The following WDR7 variants were observed in gnomAD, a reference collection of about 807,000 sequenced individuals.
WDR7 encodes WD repeat-containing protein 7.
WDR7 carries 46 observed loss-of-function variants against 169.4 expected under a neutral mutation model. That is an observed-to-expected ratio of 0.27 (90% CI 0.21 to 0.35). The LOEUF (loss-of-function observed/expected upper bound fraction) is 0.35, where lower values mean the gene tolerates loss of function less well. WDR7 is among the 10% of genes least tolerant of loss of function. The probability of loss-of-function intolerance (pLI) is 1.00; values close to 1 mark genes in which losing one functional copy is unlikely to be tolerated. For synonymous variants in WDR7, 612 were observed against 666.8 expected (o/e 0.92, Z 1.27); for missense variants, 1,534 against 1,859.3 (o/e 0.83, Z 3.22).
chr18:56,807,744 T>A (rs764245042), intron 19 of WDR7, among the ~76,000 whole-genome samples: 1 of 148,456 alleles, frequency 6.7e-6, no homozygotes, highest in Non-Finnish European at 1.5e-5. Flanking sequence ...AAACTCGTGT[T>A]ACCAAATAAT....
At chr18:57,017,312 C>G (rs1018782489) in intron 26 of WDR7, among the ~76,000 whole-genome samples, 2 of 152,168 alleles carry the variant, frequency 1.3e-5, no homozygotes, top group Admixed American at 6.5e-5. Context: ...CTTGCTCTTA[C>G]GAGACAGCAG....
At chr18:56,794,722 G>A (rs2044554191) in intron 19 of WDR7, among the ~76,000 whole-genome samples, 1 of 152,028 alleles carries the variant, frequency 6.6e-6, no homozygotes, top group Admixed American at 6.6e-5. Flanking sequence ...TTGCCAATAT[G>A]TTTCATAATT....
chr18:56,810,642 G>A (rs2044852541), intron 19 of WDR7, among the ~76,000 whole-genome samples: 1 of 151,994 alleles, frequency 6.6e-6, no homozygotes, highest in South Asian at 2.1e-4. Context: ...TTGTATAAAT[G>A]TTCTATGTGA....
At chr18:56,978,208 C>T (rs188122796) in intron 26 of WDR7, among the ~76,000 whole-genome samples, 140 of 152,242 alleles carry the variant, frequency 9.2e-4, no homozygotes, top group African/African-American at 3.2e-3. Flanking sequence ...AAAGAAAGAG[C>T]ATCAAATGAG....
At chr18:56,734,490 C>G (rs1468481084) in intron 14 of WDR7, among the ~76,000 whole-genome samples, 1 of 124,134 alleles carries the variant, frequency 8.1e-6, no homozygotes, top group African/African-American at 3.0e-5. Context: ...CCTTAAGAGG[C>G]AAAAATTGCC....
chr18:56,738,843 T>G (rs1271582397), intron 14 of WDR7, among the ~76,000 whole-genome samples: 6 of 149,632 alleles, frequency 4.0e-5, no homozygotes, highest in Admixed American at 3.3e-4. Flanking sequence ...GTTGTTTAAC[T>G]TTTTGAATAG....
intron 1 of WDR7, among the ~76,000 whole-genome samples, chr18:56,669,137 T>A (rs2025080916): frequency 6.6e-6 from 1 of 152,120 alleles, no homozygotes; most frequent in African/African-American, 2.4e-5. Context: ...GTTCTTTCAG[T>A]TATTATTTTT....
At chr18:56,877,529 A>C (rs1394917513) in intron 20 of WDR7, among the ~76,000 whole-genome samples, 1 of 152,178 alleles carries the variant, frequency 6.6e-6, no homozygotes, top group African/African-American at 2.4e-5. Context: ...TATTATGTTG[A>C]TACTAAGTAT....
Position 57,027,282 on chromosome 18 carries a change from C to T in WDR7, c.*75C>T, listed in dbSNP as rs1454468792. 31 of 1,510,776 alleles carry T rather than the reference C, an allele frequency of 2.1e-5. No individual in the cohort carries two copies. The highest frequency in any genetic ancestry group is 2.4e-5 in the Non-Finnish European group (27 of 1,127,114). The allele number at this position is 1,510,776 out of a possible 1,614,324, so 93.6% of individuals were successfully genotyped here. A position where few individuals can be genotyped will look rare whatever the true frequency, so the allele number is the denominator to read the frequency against. On this transcript the variant is annotated 3_prime_UTR_variant, in exon 28 of 28. Transcript: ENST00000254442. Reference sequence around the variant, plus strand: ...GCCGATGTTGCTCTGTCCTTCCTCACACCAGATTGTTCCCAGGGGCCTGCC... The same window carrying T: ...GCCGATGTTGCTCTGTCCTTCCTCATACCAGATTGTTCCCAGGGGCCTGCC...
chr18:56,803,916 C>T (rs563532808), intron 19 of WDR7, among the ~76,000 whole-genome samples: 1 of 152,294 alleles, frequency 6.6e-6, no homozygotes, highest in East Asian at 1.9e-4. Flanking sequence ...CCACCTCAAC[C>T]TTTTCAGTAG....
intron 14 of WDR7, among the ~76,000 whole-genome samples, chr18:56,748,871 A>G (rs1376687803): frequency 1.3e-5 from 2 of 152,108 alleles, no homozygotes; most frequent in African/African-American, 4.8e-5. Context: ...GAGGGCACCA[A>G]ATATCCATTT....
At chr18:56,984,184 A>C (rs1377136265) in intron 26 of WDR7, among the ~76,000 whole-genome samples, 14 of 152,180 alleles carry the variant, frequency 9.2e-5, no homozygotes, top group Admixed American at 9.2e-4. Context: ...TTACATAGTA[A>C]CTTAGAAATA....
At chr18:56,789,046 A>G (rs141856739) in intron 19 of WDR7, among the ~76,000 whole-genome samples, 1 of 152,190 alleles carries the variant, frequency 6.6e-6, no homozygotes, top group Non-Finnish European at 1.5e-5. Flanking sequence ...AGTCAGAGCT[A>G]TTGAGCTTAA....
intron 27 of WDR7, among the ~76,000 whole-genome samples, chr18:57,026,612 C>T (rs1284852335): frequency 1.3e-5 from 2 of 152,206 alleles, no homozygotes; most frequent in Non-Finnish European, 1.5e-5. Flanking sequence ...TCTTCGCTGA[C>T]TCATCCTTCA....
At chr18:56,740,730 C>T (rs2043607303) in intron 14 of WDR7, among the ~76,000 whole-genome samples, 2 of 152,044 alleles carry the variant, frequency 1.3e-5, no homozygotes, top group South Asian at 4.1e-4. Context: ...GTCCTGAATC[C>T]TACTTCTTAT....
intron 21 of WDR7, among the ~76,000 whole-genome samples, chr18:56,907,030 G>A (rs865789345): frequency 1.1e-4 from 16 of 152,228 alleles, no homozygotes; most frequent in South Asian, 8.3e-4. Flanking sequence ...ACCAACCAGG[G>A]TTAGAACCCT....
At position 57,029,668 on chromosome 18, in the gene WDR7, T is replaced by A. The variant is rs1406633168; in HGVS notation, c.*2461T>A. 6.6e-6 allele frequency: 1 copy of A among 152,194 alleles called. No individual in the cohort carries two copies. Among genetic ancestry groups the A allele is most frequent in the Non-Finnish European group, 1.5e-5 (1 of 68,048 alleles). The allele number at this position is 152,194 out of a possible 1,614,324, so 9.4% of individuals were successfully genotyped here. ...GAAAATGTGATGATTGAACTCCCTG[T>A]GTACAGCGAGTGAATTAAAATGTCT... On this transcript the variant is annotated 3_prime_UTR_variant, in exon 28 of 28. Transcript: ENST00000254442.
intron 19 of WDR7, among the ~76,000 whole-genome samples, chr18:56,797,447 TTGAA>T (rs1436660005): frequency 6.6e-6 from 1 of 152,096 alleles, no homozygotes; most frequent in African/African-American, 2.4e-5. Flanking sequence ...CCCTAATTGA[TTGAA>T]TGGTGATTAA....
At chr18:57,024,097 C>G (rs1293859559) in intron 27 of WDR7, among the ~76,000 whole-genome samples, 1 of 152,164 alleles carries the variant, frequency 6.6e-6, no homozygotes, top group Non-Finnish European at 1.5e-5. Flanking sequence ...AAAATTTTAA[C>G]AGTGACTGTC....
Sources: gnomAD v4.1 joint callset for allele counts (sites outside exome capture counted in the v4.1 genomes callset) on GRCh38, gnomAD v4.1.1 for gene constraint, MANE v1.5 for transcripts, NCBI Gene and HGNC (gene_info 2026-07-23, HGNC 2026-07-21) for gene names.